The following SH2D4B variants were observed in gnomAD, a reference collection of about 807,000 sequenced individuals.
SH2D4B encodes SH2 domain-containing protein 4B.
In SH2D4B, 45 loss-of-function variants were observed where a neutral mutation model predicts 61.5. The ratio of observed to expected loss-of-function variants is 0.73; its 90% CI spans 0.58 to 0.94. The LOEUF (loss-of-function observed/expected upper bound fraction) is 0.94. Ranked by LOEUF, SH2D4B falls within the 40% of genes least tolerant of loss-of-function variation. The pLI, the probability that SH2D4B is intolerant of heterozygous loss-of-function variation, is 0.00. For missense variants in SH2D4B, 572 were observed against 574.2 expected (o/e 1.00, Z 0.04); for synonymous variants, 224 against 220.4 (o/e 1.02, Z -0.14).
At chr10:80,638,997 A>G (rs991758506) in intron 7 of SH2D4B, among the ~76,000 whole-genome samples, 8 of 152,084 alleles carry the variant, frequency 5.3e-5, no homozygotes, top group African/African-American at 1.2e-4. Context: ...CTTTGTTCTC[A>G]TTGGTTTCAA....
At chr10:80,615,919 A>G (rs528927622) in intron 6 of SH2D4B, among the ~76,000 whole-genome samples, 7 of 152,336 alleles carry the variant, frequency 4.6e-5, no homozygotes, top group African/African-American at 7.2e-5. Context: ...TGTTTAGAAC[A>G]TGGTGTCATG....
chr10:80,638,198 T>C (rs1840222458), intron 7 of SH2D4B, among the ~76,000 whole-genome samples: 1 of 152,236 alleles, frequency 6.6e-6, no homozygotes, highest in Non-Finnish European at 1.5e-5. Flanking sequence ...CAGTATTTTA[T>C]TGAGGATTTT....
chr10:80,544,553 C>T (rs900287356), intron 1 of SH2D4B, among the ~76,000 whole-genome samples: 3 of 152,262 alleles, frequency 2.0e-5, no homozygotes, highest in Admixed American at 6.5e-5. Flanking sequence ...CCAGTAGCCA[C>T]GGCAACCTTG....
At chr10:80,577,837 C>T (rs1842143940) in intron 3 of SH2D4B, among the ~76,000 whole-genome samples, 1 of 152,152 alleles carries the variant, frequency 6.6e-6, no homozygotes, top group Non-Finnish European at 1.5e-5. Context: ...GCTGAGATTA[C>T]AGGCGTGAGC....
At chr10:80,613,075 G>A (rs1290967478) in intron 6 of SH2D4B, among the ~76,000 whole-genome samples, 3 of 152,216 alleles carry the variant, frequency 2.0e-5, no homozygotes, top group African/African-American at 7.2e-5. Context: ...AACCACCAGA[G>A]GCTCCTTTGG....
intron 3 of SH2D4B, among the ~76,000 whole-genome samples, chr10:80,583,868 C>G (rs1842213731): frequency 6.6e-6 from 1 of 152,080 alleles, no homozygotes; most frequent in South Asian, 2.1e-4. Context: ...GAAAGTACCC[C>G]CAAGTGGCCA....
rs1157453160 is a variant in SH2D4B, at chr10:80,643,963, A to G, written c.1210-30A>G. The G allele has an allele frequency of 3.8e-6, 6 of 1,566,826 alleles. No homozygotes were observed. In the South Asian group the frequency reaches 6.7e-5, roughly 17 times the overall value. On this transcript the variant is annotated intron_variant, in intron 7 of 7. Transcript: ENST00000646907. ...ATGTGTATTTCCCTGTCTTGATTAT[A>G]AGTGGATTTTCCTTTTTTTTCTGTT...
At chr10:80,623,017 C>T (rs766359493) in intron 6 of SH2D4B, among the ~76,000 whole-genome samples, 27 of 152,216 alleles carry the variant, frequency 1.8e-4, no homozygotes, top group Middle Eastern at 3.2e-3. Flanking sequence ...CGGGTTCAAG[C>T]GATTCTCCTG....
intron 5 of SH2D4B, among the ~76,000 whole-genome samples, chr10:80,605,521 C>G (rs1842508716): frequency 6.6e-6 from 1 of 152,030 alleles, no homozygotes; most frequent in South Asian, 2.1e-4. Context: ...TTTATATCTT[C>G]TTTTTTGTTT....
chr10:80,592,931 C>G (rs966457846), intron 4 of SH2D4B, among the ~76,000 whole-genome samples: 2 of 151,800 alleles, frequency 1.3e-5, no homozygotes, highest in African/African-American at 4.8e-5. Flanking sequence ...GTTGCCCAGT[C>G]TGGTCTTGAA....
intron 4 of SH2D4B, among the ~76,000 whole-genome samples, chr10:80,594,339 C>T (rs1842363351): frequency 6.6e-6 from 1 of 152,202 alleles, no homozygotes; most frequent in African/African-American, 2.4e-5. Flanking sequence ...ATAAATCCCA[C>T]TTCTTTATAG....
intron 3 of SH2D4B, among the ~76,000 whole-genome samples, chr10:80,585,781 TGAG>T (rs1486034541): frequency 8.5e-5 from 13 of 152,312 alleles, no homozygotes; most frequent in African/African-American, 2.6e-4. Flanking sequence ...TGGCGGCACT[TGAG>T]GAGCCTTTCA....
At chr10:80,596,392 C>T (rs922053254) in intron 4 of SH2D4B, among the ~76,000 whole-genome samples, 1 of 152,226 alleles carries the variant, frequency 6.6e-6, no homozygotes, top group Non-Finnish European at 1.5e-5. Context: ...CCGAGAACAG[C>T]CTCATAGCAG....
intron 6 of SH2D4B, among the ~76,000 whole-genome samples, chr10:80,631,597 T>C (rs1015317370): frequency 3.9e-5 from 6 of 152,252 alleles, no homozygotes; most frequent in African/African-American, 1.4e-4. Flanking sequence ...ATGTGGTGTA[T>C]GTGCACAATG....
chr10:80,624,185 C>G (rs1641223612), intron 6 of SH2D4B, among the ~76,000 whole-genome samples: 1 of 152,206 alleles, frequency 6.6e-6, no homozygotes, highest in African/African-American at 2.4e-5. Context: ...TCTCTCTCTA[C>G]ACATACCATT....
chr10:80,601,089 G>A (rs1031654652), intron 4 of SH2D4B, among the ~76,000 whole-genome samples: 5 of 152,178 alleles, frequency 3.3e-5, no homozygotes, highest in African/African-American at 7.2e-5. Flanking sequence ...CAGACACAAG[G>A]CCCTTCCTTG....
At chr10:80,589,176 G>T (rs1333316881) in intron 4 of SH2D4B, among the ~76,000 whole-genome samples, 1 of 151,728 alleles carries the variant, frequency 6.6e-6, no homozygotes, top group African/African-American at 2.4e-5. Flanking sequence ...GCTAATTTTC[G>T]TATTTTTAGT....
chr10:80,560,772 GTGT>G (rs1841894035), intron 1 of SH2D4B, among the ~76,000 whole-genome samples: 1 of 132,644 alleles, frequency 7.5e-6, no homozygotes, highest in Non-Finnish European at 1.5e-5. Flanking sequence ...GATTCTCAAA[GTGT>G]TGTTCCTGAA....
intron 3 of SH2D4B, among the ~76,000 whole-genome samples, chr10:80,579,947 A>T (rs915243644): frequency 2.0e-5 from 3 of 152,146 alleles, no homozygotes; most frequent in African/African-American, 7.2e-5. Flanking sequence ...TCTTCTCTTT[A>T]CCTGTTTGAT....
Sources: allele counts gnomAD v4.1 joint callset (sites outside exome capture counted in the v4.1 genomes callset), GRCh38; gene constraint gnomAD v4.1.1; transcripts MANE v1.5; gene names NCBI Gene and HGNC (gene_info 2026-07-23, HGNC 2026-07-21).